The following BCORL1 variants were observed in gnomAD, a reference collection of about 807,000 sequenced individuals.
BCORL1 encodes the protein BCL6 corepressor like 1, also known as BCL-6 corepressor-like protein 1.
In BCORL1, 7 loss-of-function variants were observed where a neutral mutation model predicts 87.6. The observed-to-expected ratio is 0.08, with a 90% CI of 0.05 to 0.15. The LOEUF (loss-of-function observed/expected upper bound fraction) is 0.15, where lower values mean the gene tolerates loss of function less well. BCORL1 is among the 10% of genes least tolerant of loss of function. The probability of loss-of-function intolerance (pLI) is 1.00; values close to 1 mark genes in which losing one functional copy is unlikely to be tolerated. For missense variants in BCORL1, 1,215 were observed against 1,499.7 expected, an observed-to-expected ratio of 0.81 and a Z score of 3.13; for synonymous variants, 591 against 634.4, an observed-to-expected ratio of 0.93 and a Z score of 1.03.
chrX:129,990,066 A>G (rs1383845575), intron 1 of BCORL1, among the ~76,000 whole-genome samples: 1 of 111,229 alleles, frequency 9.0e-6, no homozygotes, highest in Non-Finnish European at 1.9e-5. Flanking sequence ...GATTACAGGC[A>G]TGGGCCACCA....
intron 1 of BCORL1, among the ~76,000 whole-genome samples, chrX:129,984,386 G>A (rs868582521): frequency 3.7e-5 from 4 of 108,913 alleles, no homozygotes; most frequent in African/African-American, 6.7e-5. Flanking sequence ...GAGCCGGGAC[G>A]ACGACGACGA....
At chrX:130,050,141 C>T (rs895135893) in intron 11 of BCORL1, among the ~76,000 whole-genome samples, 22 of 110,483 alleles carry the variant, frequency 2.0e-4, no homozygotes, top group African/African-American at 7.3e-4. Context: ...TTAAAAATGT[C>T]GGAAGTGGGG....
rs1024578984 is a variant in BCORL1 at position 130,015,440 on chromosome X, C to G, written c.2668C>G (p.Arg890Gly). 1 of 1,211,007 alleles carries G rather than the reference C, an allele frequency of 8.3e-7. No homozygotes were observed. The highest frequency in any genetic ancestry group is 3.0e-5 in the East Asian group (1 of 33,803). The change falls in exon 4 of 14, where the codon CGG (arginine) becomes GGG (glycine). Residue 890 changes from arginine to glycine, a missense_variant. This residue lies in a region of BCORL1 where 861 missense variants were observed against 1,010.0 expected (regional missense o/e 0.85). Transcript: ENST00000540052. ...AVHGLPEGQPRPGGSFVPEQD... is the reference protein window; with the variant it reads ...AVHGLPEGQPGPGGSFVPEQD... ...GCACGGACTTCCTGAGGGGCAACCA[C>G]GGCCTGGGGGCTCCTTCGTTCCAGA...
chrX:130,035,122 T>C (rs1930859263), intron 9 of BCORL1, among the ~76,000 whole-genome samples: 2 of 111,810 alleles, frequency 1.8e-5, no homozygotes, highest in South Asian at 3.7e-4. Flanking sequence ...CCCTATAGAT[T>C]AGAAAGAAGG....
At chrX:130,002,977 A>G (rs1191107186) in intron 1 of BCORL1, among the ~76,000 whole-genome samples, 1 of 110,414 alleles carries the variant, frequency 9.1e-6, no homozygotes, top group Non-Finnish European at 1.9e-5. Flanking sequence ...GCAGTGGATC[A>G]GGAAAGACAA....
intron 9 of BCORL1, 71 bp downstream of exon 9, chrX:130,034,747 G>A: frequency 1.3e-5 from 10 of 797,775 alleles, no homozygotes; most frequent in Non-Finnish European, 1.7e-5. Context: ...TTCTCCATGG[G>A]CTCTTCTGGT....
chrX:130,021,195 T>C, intron 5 of BCORL1, 45 bp downstream of exon 5: 4 of 1,170,098 alleles, frequency 3.4e-6, no homozygotes, highest in Non-Finnish European at 4.5e-6. Flanking sequence ...TGCAGAGGGA[T>C]CCCCAGGGCA....
At chrX:130,018,628 C>T (rs887521744) in intron 4 of BCORL1, among the ~76,000 whole-genome samples, 2 of 111,636 alleles carry the variant, frequency 1.8e-5, no homozygotes, top group Admixed American at 9.5e-5. Context: ...GATGTGGCCC[C>T]GCCTCTCATG....
chrX:130,027,142 A>C (rs1930292822), intron 7 of BCORL1, among the ~76,000 whole-genome samples: 1 of 112,942 alleles, frequency 8.9e-6, no homozygotes, highest in Non-Finnish European at 1.9e-5. Flanking sequence ...GCCCTGGGTA[A>C]ACAAGGTGGG....
intron 2 of BCORL1, among the ~76,000 whole-genome samples, chrX:130,009,472 A>G (rs12393294): frequency 0.032 from 3,454 of 108,843 alleles, 147 homozygotes; most frequent in African/African-American, 0.11. Context: ...AAAGAAAAAA[A>G]AAAAAAAAAA....
Position 130,025,365 on chromosome X carries a change from G to A in BCORL1, c.4064G>A (p.Arg1355Gln), listed in dbSNP as rs141666104. The change falls in exon 7 of 14, where the codon CGG (arginine) becomes CAG (glutamine). Residue 1355 changes from arginine to glutamine, a missense_variant. Arg to Gln is a conservative substitution (Grantham distance 43, BLOSUM62 1). This residue lies in a region of BCORL1 where 166 missense variants were observed against 196.5 expected (regional missense o/e 0.84). Transcript: ENST00000540052. ...ACAGAGCAAGAAGACGAGCAGCGGC[G>A]GAAAGGGAGAGCAGGTAAGGCTGGC... ...YLTEQEDEQR[R>Q]KGRADLKARK... The A allele has an allele frequency of 3.4e-5, 39 of 1,147,557 alleles. No homozygotes were observed. The highest frequency in any genetic ancestry group is 3.1e-4 in the African/African-American group (17 of 54,868). 94.6% of individuals were successfully genotyped at this position (1,147,557 alleles called of 1,213,427 possible). A position where few individuals can be genotyped will look rare whatever the true frequency, so the allele number is the denominator to read the frequency against.
Position 130,056,061 on chromosome X carries a change from G to A in BCORL1, c.5283G>A (p.Val1761=), listed in dbSNP as rs775084111. 9 of 1,211,251 alleles carry A rather than the reference G, an allele frequency of 7.4e-6. No individual in the cohort carries two copies. In the Admixed American group the frequency reaches 2.0e-4, roughly 26 times the overall value. Residue 1761 remains valine, a synonymous_variant, in exon 14 of 14, where the codon GTG becomes GTA. Coordinates refer to ENST00000540052, the MANE Select transcript of BCORL1 (RefSeq NM_001379451.1). The part of the protein sequence containing the change: ...DRSPPGSSET[V]ELVRYEPDLL... ...CCCCCCCAGGCTCCTCTGAGACTGT[G>A]GAGCTGGTGCGGTACGAGCCAGACC...
intron 11 of BCORL1, among the ~76,000 whole-genome samples, chrX:130,040,564 G>A (rs760362242): frequency 8.9e-6 from 1 of 112,364 alleles, no homozygotes; most frequent in South Asian, 3.6e-4. Flanking sequence ...CTGGGGGCAG[G>A]ATGGCTGCCT....
At chrX:130,036,610 T>C (rs1674701095) in intron 9 of BCORL1, among the ~76,000 whole-genome samples, 1 of 112,654 alleles carries the variant, frequency 8.9e-6, no homozygotes, top group Admixed American at 9.4e-5. Context: ...CTGTCCTGGC[T>C]TGAACATTGG....
chrX:129,991,417 G>C (rs1347952291), intron 1 of BCORL1, among the ~76,000 whole-genome samples: 1 of 110,355 alleles, frequency 9.1e-6, no homozygotes, highest in African/African-American at 3.3e-5. Flanking sequence ...ACTGCGCCTA[G>C]TCTATTTATT....
chrX:130,043,509 G>A (rs969840053), intron 11 of BCORL1, among the ~76,000 whole-genome samples: 2 of 109,023 alleles, frequency 1.8e-5, no homozygotes, highest in Non-Finnish European at 3.8e-5. Flanking sequence ...GGAGGCTGGG[G>A]AAGCTTTTCC....
intron 11 of BCORL1, among the ~76,000 whole-genome samples, chrX:130,046,823 G>A (rs1931783331): frequency 9.0e-6 from 1 of 111,005 alleles, no homozygotes; most frequent in Non-Finnish European, 1.9e-5. Flanking sequence ...TGGGATTACA[G>A]GTGTGAGCCA....
intron 1 of BCORL1, among the ~76,000 whole-genome samples, chrX:130,004,227 G>A (rs1928290065): frequency 9.4e-6 from 1 of 106,370 alleles, no homozygotes; most frequent in Non-Finnish European, 1.9e-5. Context: ...AAGGGACAAG[G>A]ACAGAAATGT....
Position 130,014,102 on chromosome X carries a change from A to G in BCORL1, c.1330A>G (p.Thr444Ala), listed in dbSNP as rs765499561. 5.0e-6 allele frequency: 6 copies of G among 1,208,784 alleles called. 1 individual carries two copies. In the East Asian group the frequency reaches 1.8e-4, roughly 36 times the overall value. ...PLSFQPGTVLTPSQPLVYIPP... is the reference protein window; with the variant it reads ...PLSFQPGTVLAPSQPLVYIPP... ...GTCCTTTCAGCCAGGGACAGTGCTG[A>G]CCCCGAGCCAGCCGCTGGTATATAT... is the stretch of plus-strand genomic sequence containing the variant. Residue 444 changes from threonine (T) to alanine (A), a missense_variant, in exon 4 of 14, where the codon ACC becomes GCC. By Grantham distance (58) the Thr-to-Ala change is moderately conservative. Transcript: ENST00000540052.
Sources: gnomAD v4.1 joint callset for allele counts (sites outside exome capture counted in the v4.1 genomes callset) on GRCh38, gnomAD v4.1.1 for gene constraint, gnomAD v4.1.1 regional missense constraint, MANE v1.5 for transcripts, NCBI Gene and HGNC (gene_info 2026-07-23, HGNC 2026-07-21) for gene names.